The following PTOV1 variants were observed in gnomAD, a reference collection of about 807,000 sequenced individuals.
PTOV1 encodes prostate tumor-overexpressed gene 1 protein.
A neutral mutation model predicts 58.0 loss-of-function variants in PTOV1; 20 were observed. The observed-to-expected ratio is 0.34, with a 90% CI of 0.24 to 0.50. The LOEUF (loss-of-function observed/expected upper bound fraction) is 0.50, where lower values mean the gene tolerates loss of function less well. Among genes scored for constraint, PTOV1 ranks in the 20% least tolerant of loss-of-function variants. The pLI is 0.98. For missense variants in PTOV1, 593 were observed against 565.4 expected (o/e 1.05, Z -0.50); for synonymous variants, 335 against 234.2 (o/e 1.43, Z -3.93).
At chr19:49,854,338 G>A (rs1022558894) in intron 1 of PTOV1, 68 bp from the exon 2 acceptor site, 4 of 1,550,482 alleles carry the variant, frequency 2.6e-6, no homozygotes, top group Non-Finnish European at 3.5e-6. Context: ...CCTCTGGGGT[G>A]TGTGGGGACT....
intron 10 of PTOV1, 173 bp from the exon 11 acceptor site, chr19:49,859,813 C>T (rs1294722085): frequency 1.5e-6 from 1 of 677,564 alleles, no homozygotes; most frequent in East Asian, 2.7e-5. Context: ...ACCCATTGCT[C>T]TTGGCCACCG....
At chr19:49,857,765 G>A (rs889238670) in exon 7 of PTOV1, 22 of 1,614,152 alleles carry the variant, frequency 1.4e-5, no homozygotes, top group Non-Finnish European at 1.9e-5. Flanking sequence ...ATGGAGTGGT[G>A]TCATGGAGTG....
In PTOV1 at chr19:49,855,391, G is replaced by A. The variant is rs117961291; in HGVS notation, c.558+314G>A. On this transcript the variant is annotated intron_variant, in intron 5 of 11. Coordinates refer to ENST00000391842, the Ensembl canonical transcript of PTOV1. ...CAGGAGCCTGTCGGGGACACATAGC[G>A]TATGGCAGGGACCTGGTAAATGGGT... The A allele has an allele frequency of 4.4e-3, 1,772 of 406,772 alleles. 38 individuals carry two copies. In the East Asian group the frequency reaches 0.055, roughly 13 times the overall value. The allele number at this position is 406,772 out of a possible 1,614,324, so 25.2% of individuals were successfully genotyped here.
rs1568641067 is a variant in PTOV1 at position 49,854,913 on chromosome 19, T to TCCCC, written c.450+27_450+28insCCCC. Reference sequence around the variant, plus strand: ...GGTGAGACCCGCCCCTCCCACCCCATCCACTCTGAGCACCCCCATGCCTGG... The same window carrying TCCCC: ...GGTGAGACCCGCCCCTCCCACCCCATCCCCCCACTCTGAGCACCCCCATGCCTGG... On this transcript the variant is annotated intron_variant, in intron 4 of 11. Transcript: ENST00000391842. 5 of 1,571,456 alleles carry TCCCC rather than the reference T, an allele frequency of 3.2e-6. No individual in the cohort carries two copies. In the African/African-American group the frequency reaches 4.2e-5, roughly 13 times the overall value.
chr19:49,851,013 G>C, upstream of PTOV1: 1 of 1,532,398 alleles, frequency 6.5e-7, no homozygotes, highest in Non-Finnish European at 8.7e-7. Context: ...GTCTTCCCAG[G>C]ACTCCCCCGC....
exon 7 of PTOV1, chr19:49,857,739 A>T (rs757769457): frequency 1.1e-5 from 18 of 1,613,078 alleles, no homozygotes; most frequent in Middle Eastern, 1.6e-4. Context: ...CAGATCGTCA[A>T]CAACAAGTTT....
At chr19:49,857,218 AGT>A (rs1359524145) in intron 6 of PTOV1, 88 bp downstream of exon 6, 8 of 1,531,226 alleles carry the variant, frequency 5.2e-6, no homozygotes, top group South Asian at 1.1e-5. Context: ...GTGTGGGCGG[AGT>A]GTGATGCGAT....
intron 5 of PTOV1, chr19:49,856,509 C>T (rs565494430): frequency 1.3e-4 from 23 of 172,556 alleles, no homozygotes; most frequent in African/African-American, 3.8e-4. Context: ...AGCACTTTAT[C>T]TGTTGAGCCT....
chr19:49,859,800 CCCACCCATTGCTCTTGG>C lies in PTOV1; in HGVS notation c.1042-180_1042-164del. On this transcript the variant is annotated intron_variant, in intron 10 of 11. Transcript: ENST00000391842. The stretch of plus-strand genomic sequence containing the variant: ...CCCGACAGAGCCTGTTGGCCTTTGG[CCCACCCATTGCTCTTGG>C]CCACCGTGTCATCCCAATAAGGGGG... 7 of 637,212 alleles carry C rather than the reference CCCACCCATTGCTCTTGG, an allele frequency of 1.1e-5. 1 individual carries two copies. Among genetic ancestry groups the C allele is most frequent in the Non-Finnish European group, 1.9e-5 (7 of 366,292 alleles). The allele number at this position is 637,212 out of a possible 1,614,324, so 39.5% of individuals were successfully genotyped here.
At chr19:49,859,229 G>A (rs1033139950) in intron 10 of PTOV1, 2 of 153,168 alleles carry the variant, frequency 1.3e-5, no homozygotes, top group Admixed American at 1.3e-4. Context: ...TGAGTAAACT[G>A]TCCACGAAGC....
intron 1 of PTOV1, chr19:49,851,853 C>T: frequency 2.0e-6 from 2 of 990,194 alleles, no homozygotes; most frequent in Admixed American, 6.1e-5. Flanking sequence ...GGGCAGGAAA[C>T]CTGGAAATGG....
chr19:49,858,563 G>C, exon 10 of PTOV1: 1 of 1,601,502 alleles, frequency 6.2e-7, no homozygotes. Flanking sequence ...CCCTAGTGCC[G>C]CTGTTCCGGA....
At chr19:49,860,111 C>T (rs369026730) in exon 11 of PTOV1, 2 of 1,614,216 alleles carry the variant, frequency 1.2e-6, no homozygotes, top group East Asian at 2.2e-5. Context: ...TTGTCAACGG[C>T]ATCCGGCGTG....
exon 6 of PTOV1, chr19:49,857,052 G>T (rs777518722): frequency 3.1e-6 from 5 of 1,614,002 alleles, no homozygotes; most frequent in Non-Finnish European, 4.2e-6. Context: ...CCAAGAAGAA[G>T]ATCTTCATGG....
upstream of PTOV1, chr19:49,851,128 T>G: frequency 7.5e-7 from 1 of 1,333,356 alleles, no homozygotes; most frequent in South Asian, 1.9e-5. Flanking sequence ...TCGGACGCGC[T>G]TGGTACGCGC....
At chr19:49,851,961 C>G (rs917605640) in intron 1 of PTOV1, 11 of 985,268 alleles carry the variant, frequency 1.1e-5, no homozygotes, top group African/African-American at 1.7e-5. Flanking sequence ...GCGGCCGCTC[C>G]GTGCCCGTGG....
At chr19:49,860,467 C>T (rs2074708129) in exon 12 of PTOV1, 10 of 920,076 alleles carry the variant, frequency 1.1e-5, no homozygotes, top group South Asian at 1.8e-5. Context: ...CCCAGCGGTC[C>T]TAGGCTGTCG....
intron 1 of PTOV1, among the ~76,000 whole-genome samples, chr19:49,853,990 C>T (rs549399791): frequency 1.3e-5 from 2 of 152,348 alleles, no homozygotes; most frequent in Admixed American, 6.5e-5. Context: ...ACAGACACAG[C>T]GCAAGCCGGC....
At position 49,858,342 on chromosome 19, in the gene PTOV1, T is replaced by G. The variant is rs1035694195; in HGVS notation, c.937-207T>G. On this transcript the variant is annotated intron_variant, in intron 9 of 11. Transcript: ENST00000391842. ...GAGCGGGGCAGGGGCAGCCACGACC[T>G]GCACCTGGGGGGCTGCCAAGGGATC... 16 of 693,536 alleles carry G rather than the reference T, an allele frequency of 2.3e-5. No homozygotes were observed. In the Admixed American group the frequency reaches 4.3e-4, roughly 19 times the overall value. 43.0% of individuals were successfully genotyped at this position (693,536 alleles called of 1,614,324 possible). A position where few individuals can be genotyped will look rare whatever the true frequency, so the allele number is the denominator to read the frequency against.
Sources: allele counts gnomAD v4.1 joint callset (sites outside exome capture counted in the v4.1 genomes callset), GRCh38; gene constraint gnomAD v4.1.1; transcripts MANE v1.5; gene names NCBI Gene and HGNC (gene_info 2026-07-23, HGNC 2026-07-21).